The following MAD2L1BP variants were observed in gnomAD, a reference collection of about 807,000 sequenced individuals.
The protein encoded by MAD2L1BP is MAD2L1 binding protein.
A neutral mutation model predicts 28.4 loss-of-function variants in MAD2L1BP; 22 were observed. The ratio of observed to expected loss-of-function variants is 0.77; its 90% CI spans 0.55 to 1.10. The LOEUF (loss-of-function observed/expected upper bound fraction) is 1.10. Ranked by LOEUF, MAD2L1BP falls within the 50% of genes least tolerant of loss-of-function variation. The probability of loss-of-function intolerance (pLI) is 0.00; values close to 1 mark genes in which losing one functional copy is unlikely to be tolerated. For missense variants in MAD2L1BP, 325 were observed against 350.5 expected (o/e 0.93, Z 0.58); for synonymous variants, 146 against 133.7 (o/e 1.09, Z -0.63).
At chr6:43,633,189 TCCAGGC>T, upstream of MAD2L1BP, 2 of 435,792 alleles carry the variant, frequency 4.6e-6, no homozygotes, top group Admixed American at 2.6e-5. Flanking sequence ...TTTTTTTTTT[TCCAGGC>T]GGAGTCTCAC....
Position 43,640,668 on chromosome 6 carries a change from T to G in MAD2L1BP, c.*135T>G. On this transcript the variant is annotated 3_prime_UTR_variant, in exon 3 of 3. Transcript: ENST00000372171. The stretch of plus-strand genomic sequence containing the variant: ...GCAACTCTCCTTCTGGTTGTCTGCC[T>G]CCCCTCAGATTTCCTGATAGGCTGA... 1 of 896,108 alleles carries G rather than the reference T, an allele frequency of 1.1e-6. No homozygotes were observed. Among genetic ancestry groups the G allele is most frequent in the South Asian group, 1.9e-5 (1 of 52,982 alleles). 55.5% of individuals were successfully genotyped at this position (896,108 alleles called of 1,614,324 possible).
intron 2 of MAD2L1BP, among the ~76,000 whole-genome samples, chr6:43,639,419 G>A (rs554057401): frequency 2.6e-5 from 4 of 152,106 alleles, no homozygotes; most frequent in African/African-American, 7.2e-5. Flanking sequence ...GATTACAGGC[G>A]TAAGCCACTG....
At chr6:43,635,130 C>A (rs1770126256), upstream of MAD2L1BP, among the ~76,000 whole-genome samples, 2 of 152,166 alleles carry the variant, frequency 1.3e-5, no homozygotes, top group South Asian at 4.1e-4. Flanking sequence ...ATGCCACTCT[C>A]CTACTTAAAC....
rs1241387069 is a variant in MAD2L1BP, at chr6:43,640,703, GCTGTGA to G, written c.*181_*186del. 7.9e-6 allele frequency: 5 copies of G among 635,576 alleles called. No individual in the cohort carries two copies. The highest frequency in any genetic ancestry group is 1.1e-5 in the Non-Finnish European group (4 of 378,700). The allele number at this position is 635,576 out of a possible 1,614,324, so 39.4% of individuals were successfully genotyped here. A position where few individuals can be genotyped will look rare whatever the true frequency, so the allele number is the denominator to read the frequency against. ...TTTCCTGATAGGCTGATGGCATGTGGCTGTGACTGTGACTGTAATCATTGCTGAACA... is the reference window on the plus strand; with the variant it reads ...TTTCCTGATAGGCTGATGGCATGTGGCTGTGACTGTAATCATTGCTGAACA... On this transcript the variant is annotated 3_prime_UTR_variant, in exon 3 of 3. Coordinates refer to ENST00000372171, the MANE Select transcript of MAD2L1BP (RefSeq NM_014628.3).
chr6:43,639,991 C>T, intron 2 of MAD2L1BP, 30 bp from the exon 3 acceptor site: 1 of 1,509,022 alleles, frequency 6.6e-7, no homozygotes, highest in Non-Finnish European at 8.9e-7. Flanking sequence ...CTGCCTTGTT[C>T]TTCTCTCCCA....
chr6:43,635,605 G>A (rs1376101648), upstream of MAD2L1BP, among the ~76,000 whole-genome samples: 1 of 152,258 alleles, frequency 6.6e-6, no homozygotes. Flanking sequence ...GGAGTGAATA[G>A]ATGCAAGAGG....
chr6:43,635,602 A>G (rs1306341411), upstream of MAD2L1BP, among the ~76,000 whole-genome samples: 1 of 152,252 alleles, frequency 6.6e-6, no homozygotes, highest in Admixed American at 6.5e-5. Context: ...GCTGGAGTGA[A>G]TAGATGCAAG....
exon 1 of MAD2L1BP, chr6:43,629,578 G>A (rs1184443675): frequency 1.5e-5 from 11 of 712,102 alleles, no homozygotes; most frequent in Non-Finnish European, 2.5e-5. Context: ...GTGGGGACGC[G>A]AGGACACCAG....
rs199974878 is a variant in MAD2L1BP, at chr6:43,640,424, A to T, written c.716A>T (p.His239Leu). ...KLNYRVPSRG[H>L]KLTVTLSCGR... ...AACTATCGAGTGCCCAGCCGGGGCCATAAACTGACTGTGACCCTGTCATGT... is the reference window on the plus strand; with the variant it reads ...AACTATCGAGTGCCCAGCCGGGGCCTTAAACTGACTGTGACCCTGTCATGT... The change falls in exon 3 of 3, where the codon CAT (histidine) becomes CTT (leucine). Residue 239 changes from histidine to leucine, a missense_variant. Transcript: ENST00000372171. 6.2e-7 allele frequency: 1 copy of T among 1,613,850 alleles called. No individual in the cohort carries two copies. The highest frequency in any genetic ancestry group is 1.3e-5 in the African/African-American group (1 of 74,940).
intron 2 of MAD2L1BP, chr6:43,637,006 T>C (rs1259368265): frequency 1.7e-5 from 3 of 177,516 alleles, no homozygotes; most frequent in Non-Finnish European, 3.6e-5. Flanking sequence ...GCCTCCCGAG[T>C]AGCTAGGATT....
chr6:43,631,671 T>C (rs1769933610), upstream of MAD2L1BP, among the ~76,000 whole-genome samples: 1 of 151,924 alleles, frequency 6.6e-6, no homozygotes, highest in Non-Finnish European at 1.5e-5. Flanking sequence ...TTATTGTTTG[T>C]AGAGATGGTG....
At chr6:43,636,263 C>A in intron 1 of MAD2L1BP, 118 bp from the exon 2 acceptor site, 1 of 925,814 alleles carries the variant, frequency 1.1e-6, no homozygotes, top group South Asian at 1.6e-5. Context: ...AGGATATGGG[C>A]GTATGTCGGA....
At chr6:43,631,313 A>G (rs1769917619), upstream of MAD2L1BP, among the ~76,000 whole-genome samples, 1 of 152,140 alleles carries the variant, frequency 6.6e-6, no homozygotes, top group South Asian at 2.1e-4. Context: ...CTGCTTAGAG[A>G]CAGAGACTAG....
chr6:43,639,170 C>A lies in MAD2L1BP; in HGVS notation c.313-851C>A, dbSNP rs373879256. On this transcript the variant is annotated intron_variant, in intron 2 of 2. Transcript: ENST00000372171. ...TTTTTTTTTTTTTGAGACAGAGTCTCGCTCTGTCACCCAGGCTAGAGTGCA... is the reference window on the plus strand; with the variant it reads ...TTTTTTTTTTTTTGAGACAGAGTCTAGCTCTGTCACCCAGGCTAGAGTGCA... 4.0e-5 allele frequency among the ~76,000 whole-genome samples: 6 copies of A among 151,222 alleles called. 1 individual carries two copies. Among genetic ancestry groups the A allele is most frequent in the Middle Eastern group, 6.8e-3 (2 of 294 alleles).
At chr6:43,638,664 T>C (rs1054238333) in intron 2 of MAD2L1BP, among the ~76,000 whole-genome samples, 1 of 151,486 alleles carries the variant, frequency 6.6e-6, no homozygotes, top group African/African-American at 2.4e-5. Flanking sequence ...GGCGTGGTGG[T>C]GGGCGCCTGT....
chr6:43,634,261 C>T (rs1419995246), upstream of MAD2L1BP, among the ~76,000 whole-genome samples: 2 of 144,556 alleles, frequency 1.4e-5, no homozygotes, highest in Admixed American at 6.9e-5. Flanking sequence ...GCTCTGCTGC[C>T]CAGGCTGAAG....
chr6:43,636,669 A>C, intron 2 of MAD2L1BP, 23 bp downstream of exon 2: 1 of 1,604,378 alleles, frequency 6.2e-7, no homozygotes, highest in South Asian at 1.1e-5. Flanking sequence ...TTTGGGAGCA[A>C]GTTGGTGGGA....
In MAD2L1BP at chr6:43,635,914, A is replaced by T. The variant is rs1770187159; in HGVS notation, c.39A>T (p.Ala13=). The T allele has an allele frequency of 3.3e-6, 5 of 1,502,408 alleles. No individual in the cohort carries two copies. In the Admixed American group the frequency reaches 1.3e-4, roughly 40 times the overall value. The allele number at this position is 1,502,408 out of a possible 1,614,324, so 93.1% of individuals were successfully genotyped here. Residue 13 remains alanine, a synonymous_variant, in exon 1 of 3, where the codon GCA becomes GCT. Transcript: ENST00000372171. ...APEAEVLSSA[A]VPDLEWYEKS... Reference sequence around the variant, plus strand: ...AGGCGGAGGTTCTGTCCTCAGCCGCAGTCCCTGGTAAGGCGTGGGGCCAAG... The same window carrying T: ...AGGCGGAGGTTCTGTCCTCAGCCGCTGTCCCTGGTAAGGCGTGGGGCCAAG...
At chr6:43,633,451 C>T (rs138406526), upstream of MAD2L1BP, 1,889 of 239,214 alleles carry the variant, frequency 7.9e-3, 13 homozygotes, top group Non-Finnish European at 0.013. Context: ...GGATTACAGG[C>T]GTGAGCCACT....
Sources: allele counts gnomAD v4.1 joint callset (sites outside exome capture counted in the v4.1 genomes callset), GRCh38; gene constraint gnomAD v4.1.1; transcripts MANE v1.5; gene names NCBI Gene and HGNC (gene_info 2026-07-23, HGNC 2026-07-21).